XIRP2: variants seen among roughly 807,000 people sequenced by gnomAD.
The protein encoded by XIRP2 is xin actin binding repeat containing 2.
A neutral mutation model predicts 277.0 loss-of-function variants in XIRP2; 236 were observed. The observed-to-expected ratio is 0.85, with a 90% CI of 0.77 to 0.95. The LOEUF (loss-of-function observed/expected upper bound fraction) is 0.95, where lower values mean the gene tolerates loss of function less well. Ranked by LOEUF, XIRP2 falls within the 40% of genes least tolerant of loss-of-function variation. The probability of loss-of-function intolerance (pLI) is 0.00; values close to 1 mark genes in which losing one functional copy is unlikely to be tolerated. For missense variants in XIRP2, 4,640 were observed against 4,157.5 expected, an observed-to-expected ratio of 1.12 and a Z score of -3.19; for synonymous variants, 1,490 against 1,416.5, an observed-to-expected ratio of 1.05 and a Z score of -1.17.
intron 1 of XIRP2, among the ~76,000 whole-genome samples, chr2:166,892,930 G>A (rs28718711): frequency 5.7e-4 from 85 of 147,900 alleles, no homozygotes; most frequent in African/African-American, 2.0e-3. Context: ...ATGTATATAT[G>A]TGTATATGTG....
intron 2 of XIRP2, among the ~76,000 whole-genome samples, chr2:167,062,004 T>G (rs1460901888): frequency 6.6e-6 from 1 of 152,212 alleles, no homozygotes; most frequent in Non-Finnish European, 1.5e-5. Context: ...TATATTCAAA[T>G]GATTTTTTGG....
rs776097261 is a variant in XIRP2 at position 167,246,199 on chromosome 2, G to A, written c.4807G>A (p.Ala1603Thr). 6.8e-6 allele frequency: 11 copies of A among 1,612,892 alleles called. No homozygotes were observed. The highest frequency in any genetic ancestry group is 9.3e-6 in the Non-Finnish European group (11 of 1,179,646). The change falls in exon 9 of 11, where the codon GCT becomes ACT. Residue 1603 changes from alanine (A) to threonine (T), a missense_variant. Coordinates refer to ENST00000409195, the MANE Select transcript of XIRP2 (RefSeq NM_152381.6). ...PEIQKEEIIR[A>T]DLRNIMVNLL... is the part of the protein sequence containing the mutation. ...GATACAGAAAGAAGAAATTATCAGG[G>A]CTGATCTCAGAAATATAATGGTGAA...
At chr2:167,002,647 AAT>A (rs1687402638) in intron 2 of XIRP2, among the ~76,000 whole-genome samples, 1 of 151,926 alleles carries the variant, frequency 6.6e-6, no homozygotes, top group Non-Finnish European at 1.5e-5. Flanking sequence ...TTCATTTATC[AAT>A]GTCTGGCTTA....
intron 3 of XIRP2, among the ~76,000 whole-genome samples, chr2:167,199,654 C>T (rs958195357): frequency 6.6e-6 from 1 of 152,172 alleles, no homozygotes; most frequent in Non-Finnish European, 1.5e-5. Context: ...TAACCAGTCC[C>T]TCAGAGGCAC....
rs1156439117 is a variant in XIRP2, at chr2:166,999,409, G to GA, written c.408+95523dup. Among the ~76,000 whole-genome samples the GA allele has an allele frequency of 7.9e-5, 3 of 38,206 alleles. No individual in the cohort carries two copies. The African/African-American group carries it at 9.4e-4, about 12-fold the overall frequency. 25.1% of individuals were successfully genotyped at this position (38,206 alleles called of 152,430 possible). On this transcript the variant is annotated intron_variant, in intron 2 of 10. Transcript: ENST00000409195. The stretch of plus-strand genomic sequence containing the variant: ...GAAGTAAAGAAAATATTTTTAAAAG[G>GA]AAAAGGAAAAATAAAAAAGAGCAGT...
intron 3 of XIRP2, among the ~76,000 whole-genome samples, chr2:167,201,220 A>AGAGGG (rs1693687862): frequency 2.3e-5 from 3 of 130,898 alleles, no homozygotes; most frequent in Admixed American, 2.2e-4. Context: ...GAAAGAAAGA[A>AGAGGG]AGAAAGAAAG....
intron 2 of XIRP2, among the ~76,000 whole-genome samples, chr2:166,947,368 C>A (rs1250255185): frequency 1.3e-5 from 2 of 152,194 alleles, no homozygotes; most frequent in East Asian, 1.9e-4. Flanking sequence ...CTTTAGGGAG[C>A]ACTTTGGGAG....
intron 2 of XIRP2, among the ~76,000 whole-genome samples, chr2:167,072,886 G>A (rs1194076559): frequency 6.6e-6 from 1 of 152,110 alleles, no homozygotes; most frequent in African/African-American, 2.4e-5. Flanking sequence ...TGCATAAAGT[G>A]TATAAAACAT....
chr2:166,912,007 G>A (rs1325358803), intron 2 of XIRP2, among the ~76,000 whole-genome samples: 1 of 152,246 alleles, frequency 6.6e-6, no homozygotes, highest in African/African-American at 2.4e-5. Context: ...CACTTTGTGA[G>A]TAACCCGACC....
At chr2:167,055,681 A>G (rs1301888833) in intron 2 of XIRP2, among the ~76,000 whole-genome samples, 2 of 152,200 alleles carry the variant, frequency 1.3e-5, no homozygotes, top group Non-Finnish European at 2.9e-5. Flanking sequence ...AAGATTTGCA[A>G]TATGAGCCTA....
At position 167,245,021 on chromosome 2, in the gene XIRP2, A is replaced by T. The variant is rs765487149; in HGVS notation, c.3629A>T (p.Asp1210Val). ...MRYKFENQSL[D>V]SISSSSEEVL... Reference sequence around the variant, plus strand: ...TATAAATTTGAAAATCAGTCCTTAGATTCTATAAGTTCTAGTTCAGAGGAA... The same window carrying T: ...TATAAATTTGAAAATCAGTCCTTAGTTTCTATAAGTTCTAGTTCAGAGGAA... Residue 1210 changes from aspartate (D) to valine (V), a missense_variant, in exon 9 of 11, where the codon GAT becomes GTT. Transcript: ENST00000409195. 8.2e-5 allele frequency: 133 copies of T among 1,613,212 alleles called. No individual in the cohort carries two copies. Among genetic ancestry groups the T allele is most frequent in the Non-Finnish European group, 7.8e-5 (92 of 1,179,684 alleles).
In XIRP2 at chr2:167,242,625, C is replaced by T. The variant is rs1383785054; in HGVS notation, c.1233C>T (p.Ser411=). Residue 411 remains serine, a synonymous_variant, in exon 9 of 11, where the codon TCC becomes TCT. Coordinates refer to ENST00000409195, the MANE Select transcript of XIRP2 (RefSeq NM_152381.6). ...CATCATCAGTTGTGAGTACCTCTTC[C>T]ACTTCTTGCGTTTCAACCAGCCAGA... is the stretch of plus-strand genomic sequence containing the variant. ...FKPSSVVSTS[S]TSCVSTSQRK... is the part of the protein sequence containing the mutation. 4.3e-6 allele frequency: 7 copies of T among 1,614,000 alleles called. No homozygotes were observed. The highest frequency in any genetic ancestry group is 2.7e-5 in the African/African-American group (2 of 75,010).
At chr2:166,933,067 TACAC>T (rs544132308) in intron 2 of XIRP2, among the ~76,000 whole-genome samples, 3 of 149,860 alleles carry the variant, frequency 2.0e-5, no homozygotes, top group East Asian at 2.0e-4. Flanking sequence ...TTTGTTAATC[TACAC>T]ACACACACAC....
chr2:167,199,452 T>G (rs1413202051), intron 3 of XIRP2, among the ~76,000 whole-genome samples: 1 of 152,192 alleles, frequency 6.6e-6, no homozygotes, highest in Non-Finnish European at 1.5e-5. Flanking sequence ...AACAGTTCAC[T>G]ACACATGACC....
intron 2 of XIRP2, among the ~76,000 whole-genome samples, chr2:166,925,406 G>A (rs1685152849): frequency 6.6e-6 from 1 of 151,482 alleles, no homozygotes; most frequent in Admixed American, 6.6e-5. Context: ...ATGACACCAG[G>A]TTTGTATTGC....
At chr2:167,053,054 G>C (rs1688954776) in intron 2 of XIRP2, among the ~76,000 whole-genome samples, 1 of 152,184 alleles carries the variant, frequency 6.6e-6, no homozygotes, top group Non-Finnish European at 1.5e-5. Flanking sequence ...CACAGAGGCT[G>C]CTCATGATGT....
intron 2 of XIRP2, among the ~76,000 whole-genome samples, chr2:167,127,049 C>G (rs1160255670): frequency 1.3e-5 from 2 of 152,150 alleles, no homozygotes; most frequent in Non-Finnish European, 2.9e-5. Context: ...TAAGCCAACT[C>G]TCTTCTATAG....
chr2:167,239,170 A>G (rs1694984250), intron 5 of XIRP2, among the ~76,000 whole-genome samples: 1 of 152,212 alleles, frequency 6.6e-6, no homozygotes, highest in Non-Finnish European at 1.5e-5. Flanking sequence ...TAACATAAAA[A>G]TGTGGCTTGT....
Position 167,245,345 on chromosome 2 carries a change from C to T in XIRP2, c.3953C>T (p.Thr1318Ile), listed in dbSNP as rs1314822137. Residue 1318 changes from threonine (T) to isoleucine (I), a missense_variant, in exon 9 of 11, where the codon ACC becomes ATC. Physicochemically the swap from Thr to Ile is moderately conservative, Grantham distance 89. Transcript: ENST00000409195. ...AAAAGCTACAGAATGCTCTTTGAAA[C>T]CCAGCCACTCTATGCAATTCAAGAC... is the stretch of plus-strand genomic sequence containing the variant. ...DVKSYRMLFE[T>I]QPLYAIQDRE... 1.2e-6 allele frequency: 2 copies of T among 1,613,608 alleles called. No individual in the cohort carries two copies. The highest frequency in any genetic ancestry group is 2.2e-5 in the East Asian group (1 of 44,832).
Sources: gnomAD v4.1 joint callset for allele counts (sites outside exome capture counted in the v4.1 genomes callset) on GRCh38, gnomAD v4.1.1 for gene constraint, MANE v1.5 for transcripts, NCBI Gene and HGNC (gene_info 2026-07-23, HGNC 2026-07-21) for gene names.